Variants in SYNJ2 observed in about 807,000 individuals in gnomAD.
SYNJ2 encodes the protein polyphosphatidylinositol phosphatase SYNJ2.
SYNJ2 carries 116 observed loss-of-function variants against 141.3 expected under a neutral mutation model. The observed-to-expected ratio is 0.82, with a 90% confidence interval of 0.71 to 0.96. The LOEUF is 0.96. Ranked by LOEUF, SYNJ2 falls within the 40% of genes least tolerant of loss-of-function variation. The pLI, the probability that SYNJ2 is intolerant of heterozygous loss-of-function variation, is 0.00. For synonymous variants in SYNJ2, 745 were observed against 777.7 expected, an observed-to-expected ratio of 0.96 and a Z score of 0.70; for missense variants, 1,873 against 1,934.8, an observed-to-expected ratio of 0.97 and a Z score of 0.60.
Position 158,011,862 on chromosome 6 carries a change from C to T in SYNJ2, c.128-5342C>T, listed in dbSNP as rs564348399. Among the ~76,000 whole-genome samples, 4 of 152,266 alleles carry T rather than the reference C, an allele frequency of 2.6e-5. No individual in the cohort carries two copies. The South Asian group carries it at 6.2e-4, about 24-fold the overall frequency. On this transcript the variant is annotated intron_variant, in intron 1 of 26. Transcript: ENST00000355585. ...CAGAACTGGATCATACCAGGGCATA[C>T]GGGTTCTGTTTCAAGGCTTTGTAAA...
chr6:158,017,259 C>T lies in SYNJ2; in HGVS notation c.183C>T (p.Tyr61=), dbSNP rs61733903. 2.3e-3 allele frequency: 3,640 copies of T among 1,613,510 alleles called. 38 individuals are homozygous for T. The African/African-American group carries it at 0.028, about 12-fold the overall frequency. The stretch of plus-strand genomic sequence containing the variant: ...AGTATGGCAAGCTCACGGACGCGTA[C>T]GGCTGCCTGGGGGAGCTGAGGCTGA... ...KGQYGKLTDA[Y]GCLGELRLKS... Residue 61 remains tyrosine (Y), a synonymous_variant, in exon 2 of 27, where the codon TAC becomes TAT. Transcript: ENST00000355585.
intron 2 of SYNJ2, among the ~76,000 whole-genome samples, chr6:158,022,265 G>A (rs912552653): frequency 6.6e-6 from 1 of 152,192 alleles, no homozygotes; most frequent in African/African-American, 2.4e-5. Context: ...GGGACCCCAG[G>A]GTTGGGATTG....
At chr6:158,039,150 G>A (rs1389325804) in intron 4 of SYNJ2, among the ~76,000 whole-genome samples, 8 of 152,242 alleles carry the variant, frequency 5.3e-5, no homozygotes, top group Non-Finnish European at 1.2e-4. Flanking sequence ...CTCGCTTTCT[G>A]TCTCTGGAGT....
rs1002787492 is a variant in SYNJ2, at chr6:158,071,898, C to T, written c.2133+104C>T. On this transcript the variant is annotated intron_variant, in intron 15 of 26. Coordinates refer to ENST00000355585, the MANE Select transcript of SYNJ2 (RefSeq NM_003898.4). The surrounding 1 kb of genome is among the most constrained non-coding windows in gnomAD (Gnocchi z 4.3). Reference sequence around the variant, plus strand: ...CTGGGGACACAACCACAGGGAGGGCCCCTTCCTGGAGGGCTCAGCGCTGGG... The same window carrying T: ...CTGGGGACACAACCACAGGGAGGGCTCCTTCCTGGAGGGCTCAGCGCTGGG... 4 of 1,360,430 alleles carry T rather than the reference C, an allele frequency of 2.9e-6. No homozygotes were observed. The highest frequency in any genetic ancestry group is 4.0e-6 in the Non-Finnish European group (4 of 1,006,600). 84.3% of individuals were successfully genotyped at this position (1,360,430 alleles called of 1,614,324 possible).
At chr6:158,018,045 C>T (rs1210845153) in intron 2 of SYNJ2, among the ~76,000 whole-genome samples, 1 of 152,122 alleles carries the variant, frequency 6.6e-6, no homozygotes, top group South Asian at 2.1e-4. Context: ...GAGTTGTCAG[C>T]AGGAGAAAAA....
chr6:158,026,774 C>T (rs887274089), intron 2 of SYNJ2: 18 of 967,958 alleles, frequency 1.9e-5, no homozygotes, highest in Non-Finnish European at 1.8e-5. Context: ...GGCCATCCTC[C>T]TGCCTCTCCG....
intron 1 of SYNJ2, chr6:158,001,104 T>C (rs1583297959): frequency 6.6e-6 from 1 of 152,068 alleles, no homozygotes; most frequent in African/African-American, 2.4e-5. Flanking sequence ...GTCCGCGGTA[T>C]CCCCAGCTCT....
intron 1 of SYNJ2, among the ~76,000 whole-genome samples, chr6:158,008,774 G>T (rs1396374465): frequency 6.6e-6 from 1 of 152,168 alleles, no homozygotes; most frequent in East Asian, 1.9e-4. Context: ...GTCCTCTCTT[G>T]CCCAGGTGGC....
intron 5 of SYNJ2, among the ~76,000 whole-genome samples, chr6:158,053,745 C>G (rs1228683964): frequency 1.3e-5 from 2 of 151,356 alleles, no homozygotes; most frequent in Non-Finnish European, 3.0e-5. Flanking sequence ...ATCCACCCAG[C>G]CATCCACCCA....
At position 158,074,569 on chromosome 6, in the gene SYNJ2, T is replaced by C. The variant is rs1028580852; in HGVS notation, c.2134-11T>C. The C allele has an allele frequency of 1.2e-6, 2 of 1,608,264 alleles. No individual in the cohort carries two copies. Among genetic ancestry groups the C allele is most frequent in the Admixed American group, 1.7e-5 (1 of 59,282 alleles). ...ATGGGCTGAATGATTATGATTTTCT[T>C]TTCAACTTAGGGGAGAAATGTTTTT... On this transcript the variant is annotated splice_polypyrimidine_tract_variant and intron_variant, in intron 15 of 26. Transcript: ENST00000355585.
At chr6:157,993,797 GTT>G (rs61529071) in intron 1 of SYNJ2, among the ~76,000 whole-genome samples, 20 of 47,924 alleles carry the variant, frequency 4.2e-4, no homozygotes, top group African/African-American at 1.1e-3. Flanking sequence ...AAATGTGTGG[GTT>G]TTTTTTTTTT....
At chr6:158,076,897 C>A in intron 17 of SYNJ2, 115 bp downstream of exon 17, 1 of 1,294,882 alleles carries the variant, frequency 7.7e-7, no homozygotes, top group Non-Finnish European at 1.0e-6. Context: ...TTCTTCATAA[C>A]CCCAGATGAC....
At chr6:158,000,826 G>A (rs1196134169) in intron 1 of SYNJ2, among the ~76,000 whole-genome samples, 2 of 152,090 alleles carry the variant, frequency 1.3e-5, no homozygotes, top group Non-Finnish European at 2.9e-5. Flanking sequence ...TGGGAGTGAT[G>A]GTGGAGGCGG....
At chr6:158,003,751 C>T (rs1245650631) in intron 1 of SYNJ2, among the ~76,000 whole-genome samples, 5 of 152,208 alleles carry the variant, frequency 3.3e-5, no homozygotes, top group African/African-American at 9.6e-5. Flanking sequence ...CACGCAGAGC[C>T]GTGCACGGCT....
rs140268690 is a variant in SYNJ2 at position 158,064,672 on chromosome 6, C to G, written c.1281C>G (p.Phe427Leu). Residue 427 changes from phenylalanine to leucine, a missense_variant, in exon 10 of 27, where the codon TTC (phenylalanine) becomes TTG (leucine). By Grantham distance (22) the Phe-to-Leu change is conservative. Coordinates refer to ENST00000355585, the MANE Select transcript of SYNJ2 (RefSeq NM_003898.4). ...TCGTTGACCGCTTTGTGGAGTCCTT[C>G]AAAGCCATGTGGTCTCTGAATGGCC... ...KPIVDRFVESFKAMWSLNGHS... is the reference protein window; with the variant it reads ...KPIVDRFVESLKAMWSLNGHS... The G allele has an allele frequency of 6.2e-7, 1 of 1,614,130 alleles. No individual in the cohort carries two copies.
intron 3 of SYNJ2, 62 bp downstream of exon 3, chr6:158,029,088 G>GGTC (rs1779220806): frequency 1.5e-5 from 23 of 1,574,290 alleles, no homozygotes; most frequent in Middle Eastern, 2.1e-4. Flanking sequence ...GTGGGCCCTG[G>GGTC]TTGGCATCTG....
intron 1 of SYNJ2, among the ~76,000 whole-genome samples, chr6:158,003,732 C>T (rs1777946226): frequency 1.3e-5 from 2 of 152,142 alleles, no homozygotes; most frequent in South Asian, 4.1e-4. Context: ...TCTGGGTGAC[C>T]AGAGCTCTCA....
At chr6:158,042,530 G>T (rs989126091) in intron 4 of SYNJ2, among the ~76,000 whole-genome samples, 5 of 152,256 alleles carry the variant, frequency 3.3e-5, no homozygotes, top group African/African-American at 1.2e-4. Context: ...CATCTGATAA[G>T]TGTCGCCGCC....
chr6:158,028,972 T>C lies in SYNJ2; in HGVS notation c.431T>C (p.Val144Ala). The C allele has an allele frequency of 6.2e-7, 1 of 1,613,864 alleles. No individual in the cohort carries two copies. The highest frequency in any genetic ancestry group is 1.1e-5 in the South Asian group (1 of 91,064). The stretch of plus-strand genomic sequence containing the variant: ...GATGGGTCTCGCTTTGACCTGACTG[T>C]CCGCACGCAGAAGCAGGGGGATGAC... ...PNDGSRFDLT[V>A]RTQKQGDDSS... is the part of the protein sequence containing the mutation. The change falls in exon 3 of 27, where the codon GTC (valine) becomes GCC (alanine). Residue 144 changes from valine (V) to alanine (A), a missense_variant. Transcript: ENST00000355585.
Sources: gnomAD v4.1 joint callset for allele counts (sites outside exome capture counted in the v4.1 genomes callset) on GRCh38, gnomAD v4.1.1 for gene constraint, Gnocchi (gnomAD v3.1) non-coding constraint, MANE v1.5 for transcripts, NCBI Gene and HGNC (gene_info 2026-07-23, HGNC 2026-07-21) for gene names.